KMT2C: variants seen among roughly 807,000 people sequenced by gnomAD.
KMT2C encodes the protein lysine methyltransferase 2C.
KMT2C carries 88 observed loss-of-function variants against 507.9 expected under a neutral mutation model. The observed-to-expected ratio is 0.17, with a 90% CI of 0.15 to 0.21. The LOEUF is 0.21. Ranked by LOEUF, KMT2C falls within the 10% of genes least tolerant of loss-of-function variation. The pLI is 1.00. For synonymous variants in KMT2C, 2,049 were observed against 2,080.8 expected (o/e 0.98, Z 0.42); for missense variants, 4,954 against 5,957.8 (o/e 0.83, Z 5.55).
chr7:152,263,156 T>A (rs2095807330), intron 8 of KMT2C, 26 bp from the exon 9 acceptor site: 1 of 1,572,300 alleles, frequency 6.4e-7, no homozygotes, highest in African/African-American at 1.4e-5. Context: ...GCATTAATGA[T>A]GCCTTATCTT....
At chr7:152,240,970 C>A (rs1206231891) in intron 14 of KMT2C, among the ~76,000 whole-genome samples, 1 of 152,184 alleles carries the variant, frequency 6.6e-6, no homozygotes, top group Non-Finnish European at 1.5e-5. Context: ...AAGCAAGTCA[C>A]TATTCTATTT....
At chr7:152,413,885 C>CAAAAAAAAAAAAAAA (rs56006056) in intron 1 of KMT2C, among the ~76,000 whole-genome samples, 1 of 108,178 alleles carries the variant, frequency 9.2e-6, no homozygotes, top group African/African-American at 4.5e-5. Flanking sequence ...AACTCCGTCT[C>CAAAAAAAAAAAAAAA]AAAAAAAAAA....
rs1325869711 is a variant in KMT2C at position 152,262,895 on chromosome 7, A to C, written c.1299+121T>G. On this transcript the variant is annotated intron_variant, in intron 9 of 58. Coordinates refer to ENST00000262189, the MANE Select transcript of KMT2C (RefSeq NM_170606.3). ...TTTATTATATGTCAGTTATATGTCA[A>C]TAAAGCTGTTTTTAAAAAGCTGATG... The C allele has an allele frequency of 1.5e-5, 10 of 663,916 alleles. No individual in the cohort carries two copies. The South Asian group carries it at 2.1e-4, about 14-fold the overall frequency. The allele number at this position is 663,916 out of a possible 1,614,324, so 41.1% of individuals were successfully genotyped here.
At chr7:152,331,831 TAG>T (rs796317982) in intron 2 of KMT2C, among the ~76,000 whole-genome samples, 10 of 151,664 alleles carry the variant, frequency 6.6e-5, no homozygotes, top group African/African-American at 2.4e-4. Context: ...GTATTTTTAG[TAG>T]AGACTGGGTT....
chr7:152,359,154 A>C (rs968203542), intron 1 of KMT2C, among the ~76,000 whole-genome samples: 1 of 151,860 alleles, frequency 6.6e-6, no homozygotes, highest in Non-Finnish European at 1.5e-5. Flanking sequence ...CTAAAAAACA[A>C]AATTTTAAAA....
At position 152,254,881 on chromosome 7, in the gene KMT2C, G is replaced by T. The variant is rs2095619777; in HGVS notation, c.1300-2166C>A. Among the ~76,000 whole-genome samples, 3 of 151,358 alleles carry T rather than the reference G, an allele frequency of 2.0e-5. No individual in the cohort carries two copies. In the South Asian group the frequency reaches 6.2e-4, roughly 31 times the overall value. On this transcript the variant is annotated intron_variant, in intron 9 of 58. Coordinates refer to ENST00000262189, the MANE Select transcript of KMT2C (RefSeq NM_170606.3). ...AGGATATAAAATTAGCATGCAAAAG[G>T]CAATAGAATTCACACACACAAATAA...
At chr7:152,249,673 C>CAAAAA (rs1183345172) in intron 13 of KMT2C, among the ~76,000 whole-genome samples, 17 of 34,502 alleles carry the variant, frequency 4.9e-4, no homozygotes, top group East Asian at 1.2e-3. Flanking sequence ...CTCCCCCCTC[C>CAAAAA]AAAAAAAAAA....
chr7:152,163,863 C>G, intron 42 of KMT2C, 37 bp from the exon 43 acceptor site: 1 of 1,580,380 alleles, frequency 6.3e-7, no homozygotes, highest in African/African-American at 1.3e-5. Context: ...CATTTCTATA[C>G]AGCATAGGTA....
chr7:152,331,737 C>T (rs753670716), intron 2 of KMT2C, among the ~76,000 whole-genome samples: 1 of 150,388 alleles, frequency 6.6e-6, no homozygotes, highest in Non-Finnish European at 1.5e-5. Context: ...CCACCTCTGC[C>T]TCCCGGGTTC....
At chr7:152,412,503 C>T (rs1355469972) in intron 1 of KMT2C, among the ~76,000 whole-genome samples, 3 of 152,012 alleles carry the variant, frequency 2.0e-5, no homozygotes, top group Non-Finnish European at 4.4e-5. Flanking sequence ...TTTTCCAAAC[C>T]TCAAAACAAG....
Position 152,263,008 on chromosome 7 carries a change from C to T in KMT2C, c.1299+8G>A. The T allele has an allele frequency of 6.3e-7, 1 of 1,586,478 alleles. No homozygotes were observed. The highest frequency in any genetic ancestry group is 1.1e-5 in the South Asian group (1 of 87,230). On this transcript the variant is annotated splice_region_variant and intron_variant, in intron 9 of 58. Transcript: ENST00000262189. ...GGATTTAAAAAAATAAATAAATAAA[C>T]AACTTACTTTGCATTTCCAGCCATT...
chr7:152,265,332 T>A (rs1318261257), intron 7 of KMT2C, 123 bp from the exon 8 acceptor site: 5 of 1,455,868 alleles, frequency 3.4e-6, no homozygotes, highest in Non-Finnish European at 4.7e-6. Flanking sequence ...GTTATTCACA[T>A]TGAATTGTCA....
chr7:152,182,713 C>T, intron 35 of KMT2C, 119 bp from the exon 36 acceptor site: 2 of 918,262 alleles, frequency 2.2e-6, no homozygotes, highest in South Asian at 3.5e-5. Context: ...AGATTGCTCC[C>T]ATATTAGATT....
chr7:152,223,762 T>C (rs1046889072), intron 20 of KMT2C, among the ~76,000 whole-genome samples: 2 of 152,072 alleles, frequency 1.3e-5, no homozygotes, highest in African/African-American at 2.4e-5. Context: ...ATAGCGCCAC[T>C]GCACTCCAGC....
chr7:152,171,739 A>G (rs574665996), intron 39 of KMT2C, among the ~76,000 whole-genome samples: 2 of 152,376 alleles, frequency 1.3e-5, no homozygotes, highest in East Asian at 3.9e-4. Flanking sequence ...TAGTTTTATA[A>G]CGAACTCTAA....
Position 152,280,023 on chromosome 7 carries a change from C to T in KMT2C, c.850-6156G>A, listed in dbSNP as rs1453564450. ...GGAATTCTGCAGATGTGATTAAAGC[C>T]ACCAATCAACTGCCTTTGAATTAAT... On this transcript the variant is annotated intron_variant, in intron 6 of 58. Transcript: ENST00000262189. 3.3e-5 allele frequency among the ~76,000 whole-genome samples: 5 copies of T among 152,428 alleles called. No homozygotes were observed. The East Asian group carries it at 9.6e-4, about 29-fold the overall frequency.
chr7:152,234,337 G>C (rs138233878), intron 16 of KMT2C, among the ~76,000 whole-genome samples: 1 of 151,724 alleles, frequency 6.6e-6, no homozygotes, highest in Non-Finnish European at 1.5e-5. Context: ...AGCTGAGATT[G>C]TGCCATTGCA....
intron 9 of KMT2C, among the ~76,000 whole-genome samples, chr7:152,258,301 A>G (rs969889613): frequency 6.6e-6 from 1 of 152,218 alleles, no homozygotes; most frequent in Non-Finnish European, 1.5e-5. Context: ...TAATTAGGTA[A>G]TGAGTTGTAA....
intron 3 of KMT2C, among the ~76,000 whole-genome samples, chr7:152,330,169 T>TGGGGGGGGGGGGG (rs376494504): frequency 2.4e-5 from 1 of 41,050 alleles, no homozygotes; most frequent in Non-Finnish European, 4.2e-5. Flanking sequence ...GGAGGGGTGG[T>TGGGGGGGGGGGGG]GGGGGGGGGG....
Sources: gnomAD v4.1 joint callset for allele counts (sites outside exome capture counted in the v4.1 genomes callset) on GRCh38, gnomAD v4.1.1 for gene constraint, MANE v1.5 for transcripts, NCBI Gene and HGNC (gene_info 2026-07-23, HGNC 2026-07-21) for gene names.